The following XPR1 variants were observed in gnomAD, a reference collection of about 807,000 sequenced individuals.
XPR1 encodes xenotropic and polytropic retrovirus receptor 1, also known as solute carrier family 53 member 1.
XPR1 carries 28 observed loss-of-function variants against 87.5 expected under a neutral mutation model. The ratio of observed to expected loss-of-function variants is 0.32; its 90% confidence interval spans 0.24 to 0.44. The LOEUF (loss-of-function observed/expected upper bound fraction) is 0.44. Among genes scored for constraint, XPR1 ranks in the 20% least tolerant of loss-of-function variants. The pLI is 1.00. For missense variants in XPR1, 559 were observed against 862.3 expected, an observed-to-expected ratio of 0.65 and a Z score of 4.41; for synonymous variants, 300 against 306.1, an observed-to-expected ratio of 0.98 and a Z score of 0.21.
intron 11 of XPR1, among the ~76,000 whole-genome samples, chr1:180,847,570 A>G (rs1329969637): frequency 6.6e-6 from 1 of 152,148 alleles, no homozygotes; most frequent in Non-Finnish European, 1.5e-5. Flanking sequence ...GTTTATTATA[A>G]AGATTAAGTT....
intron 2 of XPR1, among the ~76,000 whole-genome samples, chr1:180,683,586 T>C (rs911438494): frequency 2.6e-5 from 4 of 152,176 alleles, no homozygotes; most frequent in African/African-American, 9.7e-5. Flanking sequence ...CCACCGACAG[T>C]GTAAAAGTGT....
chr1:180,714,448 A>G (rs1272932508), intron 2 of XPR1, among the ~76,000 whole-genome samples: 1 of 140,812 alleles, frequency 7.1e-6, no homozygotes, highest in African/African-American at 2.7e-5. Context: ...CTTGTTGCCC[A>G]GGCTGGAGTG....
intron 2 of XPR1, among the ~76,000 whole-genome samples, chr1:180,722,330 G>A (rs1357473125): frequency 6.6e-6 from 1 of 152,050 alleles, no homozygotes; most frequent in African/African-American, 2.4e-5. Context: ...TCCTGACCTC[G>A]TGATCTACCC....
rs538361885 is a variant in XPR1, at chr1:180,637,176, C to A, written c.69+4906C>A. 2.6e-5 allele frequency among the ~76,000 whole-genome samples: 4 copies of A among 152,032 alleles called. No homozygotes were observed. In the East Asian group the frequency reaches 7.7e-4, roughly 29 times the overall value. On this transcript the variant is annotated intron_variant, in intron 1 of 14. Coordinates refer to ENST00000367590, the MANE Select transcript of XPR1 (RefSeq NM_004736.4). ...ATTTAATAAATGGATTGATGCAGTA[C>A]CCCTGCTAAGGAGGTCATGCACAGG...
At chr1:180,683,469 G>A (rs967975954) in intron 2 of XPR1, among the ~76,000 whole-genome samples, 1 of 152,116 alleles carries the variant, frequency 6.6e-6, no homozygotes, top group African/African-American at 2.4e-5. Context: ...ATAATCCTTT[G>A]GGTATATACC....
chr1:180,741,358 G>T (rs1013705874), intron 2 of XPR1, among the ~76,000 whole-genome samples: 4 of 151,916 alleles, frequency 2.6e-5, no homozygotes, highest in African/African-American at 9.7e-5. Flanking sequence ...TAGAGATGGG[G>T]TTTCACCATG....
chr1:180,673,613 A>T (rs2101933788), intron 1 of XPR1, among the ~76,000 whole-genome samples: 1 of 152,316 alleles, frequency 6.6e-6, no homozygotes, highest in South Asian at 2.1e-4. Context: ...CTCCCATCAC[A>T]TCAGCAACGG....
intron 2 of XPR1, among the ~76,000 whole-genome samples, chr1:180,736,274 G>T (rs772656102): frequency 6.6e-6 from 1 of 152,026 alleles, no homozygotes. Flanking sequence ...TGGTATATTC[G>T]GGCTACCTGA....
chr1:180,808,847 A>G (rs1035779327), intron 6 of XPR1, among the ~76,000 whole-genome samples: 71 of 152,348 alleles, frequency 4.7e-4, no homozygotes, highest in African/African-American at 1.6e-3. Context: ...TATAAAATGT[A>G]TAATGAATAA....
chr1:180,644,636 G>A (rs1295150189), intron 1 of XPR1, among the ~76,000 whole-genome samples: 1 of 151,966 alleles, frequency 6.6e-6, no homozygotes, highest in African/African-American at 2.4e-5. Context: ...TTACGATGTT[G>A]AGATAGTATG....
At chr1:180,684,417 A>T (rs1431148451) in intron 2 of XPR1, among the ~76,000 whole-genome samples, 1 of 152,204 alleles carries the variant, frequency 6.6e-6, no homozygotes, top group South Asian at 2.1e-4. Flanking sequence ...GAAGTCAGGT[A>T]GCGTGATGCC....
At chr1:180,849,984 A>G (rs1358758235) in intron 11 of XPR1, among the ~76,000 whole-genome samples, 3 of 152,200 alleles carry the variant, frequency 2.0e-5, no homozygotes, top group Admixed American at 2.0e-4. Context: ...TTCTGCTGAA[A>G]GTCATTAGAG....
At chr1:180,662,293 A>T (rs1388042966) in intron 1 of XPR1, among the ~76,000 whole-genome samples, 2 of 152,116 alleles carry the variant, frequency 1.3e-5, no homozygotes, top group African/African-American at 4.8e-5. Context: ...CCCTGAAATA[A>T]TCTTTTATTT....
intron 2 of XPR1, among the ~76,000 whole-genome samples, chr1:180,739,682 T>TC (rs1396134206): frequency 1.3e-5 from 2 of 152,180 alleles, no homozygotes; most frequent in African/African-American, 4.8e-5. Context: ...TTTTAAAAAA[T>TC]CTGTTGTAAA....
chr1:180,857,205 G>A (rs1015940167), intron 11 of XPR1, among the ~76,000 whole-genome samples: 1 of 152,050 alleles, frequency 6.6e-6, no homozygotes. Context: ...CAGTACCCAA[G>A]TCCCAACTTA....
chr1:180,683,452 G>A (rs550828081), intron 2 of XPR1, among the ~76,000 whole-genome samples: 13 of 152,182 alleles, frequency 8.5e-5, no homozygotes, highest in South Asian at 2.1e-4. Flanking sequence ...TTATAGCAGC[G>A]TGATTTATAA....
At chr1:180,799,004 A>G (rs549119058) in intron 3 of XPR1, among the ~76,000 whole-genome samples, 3 of 152,270 alleles carry the variant, frequency 2.0e-5, no homozygotes, top group Admixed American at 6.5e-5. Flanking sequence ...TGTTGCTCCT[A>G]TTATGTTTCA....
In XPR1 at chr1:180,632,045, G is replaced by C. The variant is rs207460720; in HGVS notation, c.-157G>C. 1.3e-6 allele frequency: 1 copy of C among 784,214 alleles called. No homozygotes were observed. Among genetic ancestry groups the C allele is most frequent in the Non-Finnish European group, 2.2e-6 (1 of 461,846 alleles). 48.6% of individuals were successfully genotyped at this position (784,214 alleles called of 1,614,324 possible). Reference sequence around the variant, plus strand: ...CTATGGAGAGGAGGAGGAAGATGGCGGGCGGGCTGCTCTGAAGAGACCTCG... The same window carrying C: ...CTATGGAGAGGAGGAGGAAGATGGCCGGCGGGCTGCTCTGAAGAGACCTCG... On this transcript the variant is annotated 5_prime_UTR_variant, in exon 1 of 15. Transcript: ENST00000367590.
At chr1:180,665,410 C>G (rs1655923966) in intron 1 of XPR1, among the ~76,000 whole-genome samples, 1 of 152,144 alleles carries the variant, frequency 6.6e-6, no homozygotes, top group Non-Finnish European at 1.5e-5. Flanking sequence ...TGGCCTGGTT[C>G]CTAACAGGCC....
Sources: gnomAD v4.1 joint callset for allele counts (sites outside exome capture counted in the v4.1 genomes callset) on GRCh38, gnomAD v4.1.1 for gene constraint, MANE v1.5 for transcripts, NCBI Gene and HGNC (gene_info 2026-07-23, HGNC 2026-07-21) for gene names.